The following ABHD12 variants were observed in gnomAD, a reference collection of about 807,000 sequenced individuals.
ABHD12 encodes abhydrolase domain containing 12, lysophospholipase.
Under a neutral mutation model 58.3 loss-of-function variants are expected in ABHD12, and 43 were observed. The observed-to-expected ratio is 0.74, with a 90% CI of 0.58 to 0.95. The LOEUF (loss-of-function observed/expected upper bound fraction) is 0.95, where lower values mean the gene tolerates loss of function less well. Ranked by LOEUF, ABHD12 falls within the 40% of genes least tolerant of loss-of-function variation. The pLI is 0.00. For missense variants in ABHD12, 539 were observed against 537.2 expected (o/e 1.00, Z -0.03); for synonymous variants, 219 against 211.2 (o/e 1.04, Z -0.32).
chr20:25,358,516 C>G (rs1268139127), intron 1 of ABHD12, among the ~76,000 whole-genome samples: 1 of 152,204 alleles, frequency 6.6e-6, no homozygotes, highest in Non-Finnish European at 1.5e-5. Flanking sequence ...CCTCACTGGT[C>G]TGCATTTTAT....
chr20:25,381,230 T>C (rs553859075), intron 1 of ABHD12, among the ~76,000 whole-genome samples: 2 of 152,310 alleles, frequency 1.3e-5, no homozygotes, highest in East Asian at 3.9e-4. Flanking sequence ...ACCCAGACTG[T>C]GCACACACAG....
chr20:25,371,253 T>C (rs1255037944), intron 1 of ABHD12, among the ~76,000 whole-genome samples: 3 of 152,120 alleles, frequency 2.0e-5, no homozygotes, highest in South Asian at 4.1e-4. Flanking sequence ...AATGCCTACA[T>C]TGGGGTGTGG....
chr20:25,389,670 C>A, intron 1 of ABHD12, among the ~76,000 whole-genome samples: 1 of 152,138 alleles, frequency 6.6e-6, no homozygotes, highest in East Asian at 1.9e-4. Flanking sequence ...ACGCATTCAT[C>A]TTCTACCCAA....
At chr20:25,368,894 C>A (rs1017653112) in intron 1 of ABHD12, 10 of 408,324 alleles carry the variant, frequency 2.4e-5, no homozygotes, top group African/African-American at 1.5e-4. Flanking sequence ...TGGGAGGCTG[C>A]GGCAGGATTG....
At chr20:25,324,411 C>G (rs760307426) in intron 2 of ABHD12, among the ~76,000 whole-genome samples, 1 of 152,162 alleles carries the variant, frequency 6.6e-6, no homozygotes, top group Non-Finnish European at 1.5e-5. Flanking sequence ...TTGGTGAACA[C>G]AACTTTAAAA....
chr20:25,360,951 G>A (rs2089738612), intron 1 of ABHD12, among the ~76,000 whole-genome samples: 1 of 152,226 alleles, frequency 6.6e-6, no homozygotes, highest in Non-Finnish European at 1.5e-5. Context: ...GGACTACGAA[G>A]GCCAGATACA....
chr20:25,385,331 C>CAAAAAAAAAAAAAAA (rs11477490), intron 1 of ABHD12, among the ~76,000 whole-genome samples: 2 of 51,726 alleles, frequency 3.9e-5, no homozygotes, highest in Non-Finnish European at 6.9e-5. Flanking sequence ...GAGTGAGACT[C>CAAAAAAAAAAAAAAA]AAAAAAAAAA....
At chr20:25,335,103 T>G (rs1319368525) in intron 2 of ABHD12, among the ~76,000 whole-genome samples, 1 of 150,602 alleles carries the variant, frequency 6.6e-6, no homozygotes, top group Non-Finnish European at 1.5e-5. Context: ...TCAAACAAAT[T>G]TACAAGAAAA....
chr20:25,311,017 A>G (rs2088840183), intron 6 of ABHD12, among the ~76,000 whole-genome samples: 1 of 152,206 alleles, frequency 6.6e-6, no homozygotes, highest in African/African-American at 2.4e-5. Flanking sequence ...CATGGAGAGA[A>G]GGAGAGGGCA....
At chr20:25,325,717 G>C (rs2089163410) in intron 2 of ABHD12, among the ~76,000 whole-genome samples, 1 of 152,150 alleles carries the variant, frequency 6.6e-6, no homozygotes, top group Admixed American at 6.6e-5. Context: ...CCACAACCAT[G>C]AGAGGATACA....
At chr20:25,332,548 C>T (rs200642144) in intron 2 of ABHD12, among the ~76,000 whole-genome samples, 1 of 151,180 alleles carries the variant, frequency 6.6e-6, no homozygotes, top group South Asian at 2.1e-4. Context: ...TTGACCACAT[C>T]CTTGGAAGTA....
rs1163618494 is a variant in ABHD12 at position 25,306,694 on chromosome 20, T to G, written c.950+139A>C. 17 of 658,358 alleles carry G rather than the reference T, an allele frequency of 2.6e-5. No homozygotes were observed. The Admixed American group carries it at 3.3e-4, about 13-fold the overall frequency. 40.8% of individuals were successfully genotyped at this position (658,358 alleles called of 1,614,324 possible). On this transcript the variant is annotated intron_variant, in intron 10 of 12. Transcript: ENST00000339157. Reference sequence around the variant, plus strand: ...ACGGTCCCTAGCAGGCTTTCCCTTTTTAAAGACCTGTTTGCTAGAGAATGA... The same window carrying G: ...ACGGTCCCTAGCAGGCTTTCCCTTTGTAAAGACCTGTTTGCTAGAGAATGA...
intron 1 of ABHD12, among the ~76,000 whole-genome samples, chr20:25,359,423 C>CAG (rs1395580979): frequency 1.6e-5 from 1 of 63,126 alleles, no homozygotes; most frequent in East Asian, 5.1e-4. Context: ...GACTCCGTCT[C>CAG]AAAAAAAAAA....
At chr20:25,367,784 C>T (rs192490838) in intron 1 of ABHD12, among the ~76,000 whole-genome samples, 28 of 152,336 alleles carry the variant, frequency 1.8e-4, no homozygotes, top group African/African-American at 6.7e-4. Flanking sequence ...TTTTGCTTAT[C>T]CATTCATCCA....
intron 1 of ABHD12, among the ~76,000 whole-genome samples, chr20:25,343,799 A>G (rs913235822): frequency 6.6e-6 from 1 of 152,204 alleles, no homozygotes; most frequent in African/African-American, 2.4e-5. Context: ...TGTGTCAAAA[A>G]ATAAAATTAA....
intron 2 of ABHD12, among the ~76,000 whole-genome samples, chr20:25,331,249 T>G (rs149775326): frequency 1.6e-3 from 247 of 152,044 alleles, no homozygotes; most frequent in African/African-American, 5.5e-3. Context: ...AAGGGAAGTT[T>G]AGAGAAAAAA....
At chr20:25,326,947 C>CTAA (rs1304590098) in intron 2 of ABHD12, among the ~76,000 whole-genome samples, 1 of 152,214 alleles carries the variant, frequency 6.6e-6, no homozygotes, top group Non-Finnish European at 1.5e-5. Flanking sequence ...CCCTTAAATG[C>CTAA]AGTGCTAAAA....
intron 1 of ABHD12, among the ~76,000 whole-genome samples, chr20:25,375,453 T>C (rs1209294274): frequency 1.3e-5 from 2 of 152,304 alleles, no homozygotes; most frequent in African/African-American, 4.8e-5. Flanking sequence ...CGTGTGCTGA[T>C]CAAGGGGACC....
chr20:25,331,220 G>A (rs1487866193), intron 2 of ABHD12, among the ~76,000 whole-genome samples: 1 of 151,994 alleles, frequency 6.6e-6, no homozygotes, highest in East Asian at 1.9e-4. Flanking sequence ...ATCAGTGATG[G>A]AAGATGAAAT....
Sources: allele counts gnomAD v4.1 joint callset (sites outside exome capture counted in the v4.1 genomes callset), GRCh38; gene constraint gnomAD v4.1.1; transcripts MANE v1.5; gene names NCBI Gene and HGNC (gene_info 2026-07-23, HGNC 2026-07-21).